The following CENPW variants were observed in gnomAD, a reference collection of about 807,000 sequenced individuals.
CENPW encodes centromere protein W.
In CENPW, 3 loss-of-function variants were observed where a neutral mutation model predicts 11.1. The ratio of observed to expected loss-of-function variants is 0.27; its 90% CI spans 0.12 to 0.70. CENPW has a LOEUF of 0.70. Among genes scored for constraint, CENPW ranks in the 30% least tolerant of loss-of-function variants. The pLI, the probability that CENPW is intolerant of heterozygous loss-of-function variation, is 0.77. For synonymous variants in CENPW, 38 were observed against 42.0 expected, an observed-to-expected ratio of 0.91 and a Z score of 0.37; for missense variants, 100 against 105.6, an observed-to-expected ratio of 0.95 and a Z score of 0.23.
At chr6:126,442,235 G>A in the CENPW span, among the ~76,000 whole-genome samples, 1 of 151,464 alleles carries the variant, frequency 6.6e-6, no homozygotes, top group East Asian at 1.9e-4. Context: ...ATGTTTGTTG[G>A]CCATTTGTAT....
chr6:126,467,211 C>T, the CENPW span, among the ~76,000 whole-genome samples: 1 of 152,088 alleles, frequency 6.6e-6, no homozygotes, highest in African/African-American at 2.4e-5. Flanking sequence ...AAGAACAAAG[C>T]TGAAGGCATC....
At chr6:126,438,624 C>G in the CENPW span, among the ~76,000 whole-genome samples, 1 of 151,572 alleles carries the variant, frequency 6.6e-6, no homozygotes, top group African/African-American at 2.4e-5. Context: ...CACAGTTACT[C>G]TACATTATAA....
the CENPW span, among the ~76,000 whole-genome samples, chr6:126,450,309 G>A: frequency 6.6e-6 from 1 of 150,932 alleles, no homozygotes; most frequent in Non-Finnish European, 1.5e-5. Context: ...AGAATCTTGG[G>A]GTAAAGCTCC....
chr6:126,405,901 C>A, the CENPW span, among the ~76,000 whole-genome samples: 3 of 151,440 alleles, frequency 2.0e-5, no homozygotes, highest in Admixed American at 2.0e-4. Context: ...TGGGGGGGGT[C>A]TTTAGATTTT....
the CENPW span, among the ~76,000 whole-genome samples, chr6:126,406,570 T>C: frequency 6.6e-6 from 1 of 152,120 alleles, no homozygotes; most frequent in African/African-American, 2.4e-5. Context: ...AAAAGTTTGA[T>C]AGGCCAGGCA....
chr6:126,403,985 A>G, the CENPW span, among the ~76,000 whole-genome samples: 1 of 152,024 alleles, frequency 6.6e-6, no homozygotes, highest in Admixed American at 6.6e-5. Context: ...TCCAAGCCTC[A>G]TTTACAGTTC....
chr6:126,393,775 ATATT>A, the CENPW span, among the ~76,000 whole-genome samples: 1 of 149,446 alleles, frequency 6.7e-6, no homozygotes, highest in East Asian at 1.9e-4. Context: ...ATGTGGATAT[ATATT>A]TATATATACA....
chr6:126,415,154 G>C, the CENPW span, among the ~76,000 whole-genome samples: 2 of 151,814 alleles, frequency 1.3e-5, no homozygotes, highest in Non-Finnish European at 2.9e-5. Context: ...TGTAACTCAA[G>C]GGGGTGTAAG....
chr6:126,414,730 A>C, the CENPW span, among the ~76,000 whole-genome samples: 1 of 152,118 alleles, frequency 6.6e-6, no homozygotes, highest in East Asian at 1.9e-4. Context: ...GGAAAAGCAA[A>C]AACAAGCCAA....
intron 2 of CENPW, among the ~76,000 whole-genome samples, chr6:126,347,827 A>T (rs1452837624): frequency 3.3e-5 from 5 of 151,968 alleles, no homozygotes; most frequent in Non-Finnish European, 7.4e-5. Flanking sequence ...TTTTTAAAAA[A>T]AGAGATATTC....
chr6:126,382,050 A>C, the CENPW span, among the ~76,000 whole-genome samples: 1 of 152,072 alleles, frequency 6.6e-6, no homozygotes, highest in Non-Finnish European at 1.5e-5. Context: ...CCTGACCAAC[A>C]TGGTGAAACC....
At chr6:126,424,096 G>A in the CENPW span, among the ~76,000 whole-genome samples, 5 of 152,014 alleles carry the variant, frequency 3.3e-5, no homozygotes, top group African/African-American at 1.2e-4. Context: ...ACACTGTGGT[G>A]AATAATATAG....
chr6:126,446,512 T>C, the CENPW span, among the ~76,000 whole-genome samples: 8 of 151,292 alleles, frequency 5.3e-5, no homozygotes, highest in African/African-American at 1.9e-4. Context: ...AGAAATCCTT[T>C]TAAATAACAG....
the CENPW span, among the ~76,000 whole-genome samples, chr6:126,396,585 T>C: frequency 6.6e-6 from 1 of 152,070 alleles, no homozygotes; most frequent in African/African-American, 2.4e-5. Context: ...GACTAAGTCA[T>C]CTTTACCTTT....
chr6:126,434,722 CA>C, the CENPW span, among the ~76,000 whole-genome samples: 2 of 150,934 alleles, frequency 1.3e-5, no homozygotes, highest in Non-Finnish European at 3.0e-5. Flanking sequence ...ATTAACTTGG[CA>C]AAAAAAATGG....
chr6:126,375,908 C>A, the CENPW span, among the ~76,000 whole-genome samples: 1 of 152,088 alleles, frequency 6.6e-6, no homozygotes, highest in Non-Finnish European at 1.5e-5. Flanking sequence ...ATTTATCCAG[C>A]CTAGGAAATT....
chr6:126,381,207 T>C, the CENPW span, among the ~76,000 whole-genome samples: 1 of 152,192 alleles, frequency 6.6e-6, no homozygotes, highest in African/African-American at 2.4e-5. Flanking sequence ...TGTTGAATGT[T>C]TTTGTTTTTG....
the CENPW span, among the ~76,000 whole-genome samples, chr6:126,422,945 A>G: frequency 6.6e-6 from 1 of 152,230 alleles, no homozygotes; most frequent in Admixed American, 6.5e-5. Context: ...ACCACAGTGA[A>G]TTGTTTTCCC....
the CENPW span, among the ~76,000 whole-genome samples, chr6:126,447,481 T>C: frequency 6.6e-6 from 1 of 151,230 alleles, no homozygotes; most frequent in Non-Finnish European, 1.5e-5. Flanking sequence ...GAAGTATGTA[T>C]GGTAAACAAT....
Sources: gnomAD v4.1 joint callset for allele counts (sites outside exome capture counted in the v4.1 genomes callset) on GRCh38, gnomAD v4.1.1 for gene constraint, MANE v1.5 for transcripts, NCBI Gene and HGNC (gene_info 2026-07-23, HGNC 2026-07-21) for gene names.